The following ATG7 variants were observed in gnomAD, a reference collection of about 807,000 sequenced individuals.
ATG7 encodes ubiquitin-like modifier-activating enzyme ATG7.
A neutral mutation model predicts 82.4 loss-of-function variants in ATG7; 70 were observed. That is an observed-to-expected ratio of 0.85 (90% CI 0.70 to 1.04). The LOEUF is 1.04. Among genes scored for constraint, ATG7 ranks in the 50% least tolerant of loss-of-function variants. The pLI is 0.00. For synonymous variants in ATG7, 287 were observed against 313.0 expected (o/e 0.92, Z 0.88); for missense variants, 792 against 864.3 (o/e 0.92, Z 1.05).
intron 20 of ATG7, among the ~76,000 whole-genome samples, chr3:11,515,199 TCAAG>T (rs2092230765): frequency 6.6e-6 from 1 of 152,086 alleles, no homozygotes; most frequent in Non-Finnish European, 1.5e-5. Context: ...TAGTTTTAAT[TCAAG>T]AAAAGGGACA....
At position 11,340,746 on chromosome 3, in the gene ATG7, G is replaced by A. The variant is rs1204005683; in HGVS notation, c.980+11G>A. On this transcript the variant is annotated intron_variant, in intron 12 of 20. Transcript: ENST00000693202. The stretch of plus-strand genomic sequence containing the variant: ...TATGGACCCTAAAAGGTATATTTGG[G>A]AAGCTGTTTTCTCCAGTCGGGCTTT... The A allele has an allele frequency of 1.2e-6, 2 of 1,611,238 alleles. No homozygotes were observed. The highest frequency in any genetic ancestry group is 2.2e-5 in the East Asian group (1 of 44,808).
rs779244559 is a variant in ATG7 at position 11,332,947 on chromosome 3, A to T, written c.768-25A>T. 5 of 1,425,172 alleles carry T rather than the reference A, an allele frequency of 3.5e-6. No homozygotes were observed. The African/African-American group carries it at 7.5e-5, about 21-fold the overall frequency. 88.3% of individuals were successfully genotyped at this position (1,425,172 alleles called of 1,614,324 possible). A position where few individuals can be genotyped will look rare whatever the true frequency, so the allele number is the denominator to read the frequency against. ...TTCCTTTAAAAAAAAATAATAAATA[A>T]ATAAAAATCCGGGCATGACAACAGG... On this transcript the variant is annotated intron_variant, in intron 10 of 20. Transcript: ENST00000693202.
chr3:11,274,430 G>A (rs1319200999), intron 1 of ATG7, among the ~76,000 whole-genome samples: 1 of 152,140 alleles, frequency 6.6e-6, no homozygotes, highest in Non-Finnish European at 1.5e-5. Context: ...CAGTGAGGAG[G>A]TGCTGCTTTA....
At chr3:11,419,768 G>T (rs2081767081) in intron 19 of ATG7, among the ~76,000 whole-genome samples, 2 of 152,130 alleles carry the variant, frequency 1.3e-5, no homozygotes, top group African/African-American at 4.8e-5. Context: ...GTCTTAGCAA[G>T]GCAATACTCT....
intron 13 of ATG7, 152 bp from the exon 14 acceptor site, chr3:11,347,725 G>C: frequency 1.3e-6 from 1 of 761,262 alleles, no homozygotes; most frequent in South Asian, 3.0e-5. Flanking sequence ...TCTGTTTATC[G>C]TAACCTGAAT....
At chr3:11,443,872 A>T (rs1241049622) in intron 20 of ATG7, among the ~76,000 whole-genome samples, 1 of 152,186 alleles carries the variant, frequency 6.6e-6, no homozygotes, top group Admixed American at 6.5e-5. Context: ...TTTTATATAG[A>T]GAACAAGTAT....
In ATG7 at chr3:11,298,241, T is replaced by C. The variant is rs566305801; in HGVS notation, c.-10-445T>C. Among the ~76,000 whole-genome samples the C allele has an allele frequency of 5.9e-5, 9 of 152,008 alleles. 1 individual carries two copies. The South Asian group carries it at 1.7e-3, about 28-fold the overall frequency. On this transcript the variant is annotated intron_variant, in intron 3 of 20. Transcript: ENST00000693202. ...GCTTGACAACACAGGCCAATTAGGA[T>C]GGTTTTCAAAGTTGTGTCTTAAGTG...
intron 20 of ATG7, among the ~76,000 whole-genome samples, chr3:11,467,368 G>A (rs1430747338): frequency 6.6e-6 from 1 of 152,040 alleles, no homozygotes; most frequent in Non-Finnish European, 1.5e-5. Flanking sequence ...TACCTCAACC[G>A]TAATTTGTTT....
chr3:11,281,605 TC>T (rs1450036715), intron 2 of ATG7, among the ~76,000 whole-genome samples: 3 of 151,970 alleles, frequency 2.0e-5, no homozygotes, highest in Non-Finnish European at 2.9e-5. Flanking sequence ...AAACCCTATC[TC>T]TACTAAAAAT....
intron 20 of ATG7, among the ~76,000 whole-genome samples, chr3:11,466,331 A>G (rs1489280608): frequency 6.6e-6 from 1 of 152,218 alleles, no homozygotes; most frequent in Non-Finnish European, 1.5e-5. Context: ...AAGGTGAGAA[A>G]ATTCTTCAGC....
intron 13 of ATG7, among the ~76,000 whole-genome samples, chr3:11,345,544 C>G (rs557891396): frequency 1.3e-5 from 2 of 152,140 alleles, no homozygotes; most frequent in African/African-American, 4.8e-5. Context: ...AATTAATTGA[C>G]ATAAAATACA....
chr3:11,505,041 A>AT (rs1479801141), intron 20 of ATG7, among the ~76,000 whole-genome samples: 1 of 152,200 alleles, frequency 6.6e-6, no homozygotes. Flanking sequence ...TGAGCACGTT[A>AT]TTTTAACATA....
intron 1 of ATG7, among the ~76,000 whole-genome samples, chr3:11,275,515 ATTTTTTTTTTTTTTT>A (rs34040398): frequency 1.8e-5 from 2 of 109,208 alleles, no homozygotes; most frequent in Non-Finnish European, 3.5e-5. Context: ...TGCCCGGCTA[ATTTTTTTTTTTTTTT>A]TTTTTTTTTA....
chr3:11,414,529 C>A (rs1242737078), intron 19 of ATG7, among the ~76,000 whole-genome samples: 3 of 152,134 alleles, frequency 2.0e-5, no homozygotes, highest in African/African-American at 7.2e-5. Flanking sequence ...AATCAGAATA[C>A]CCTTTATTTC....
chr3:11,274,598 G>A (rs1191206592), intron 1 of ATG7, among the ~76,000 whole-genome samples: 2 of 152,142 alleles, frequency 1.3e-5, no homozygotes, highest in African/African-American at 4.8e-5. Flanking sequence ...GTAAGCACTA[G>A]CCACATCGTG....
At chr3:11,554,274 G>C (rs1373779072) in intron 20 of ATG7, among the ~76,000 whole-genome samples, 1 of 152,242 alleles carries the variant, frequency 6.6e-6, no homozygotes, top group Non-Finnish European at 1.5e-5. Flanking sequence ...CACCCTGGCT[G>C]GTGGGGAGGG....
chr3:11,528,395 G>C (rs2124961523), intron 20 of ATG7, among the ~76,000 whole-genome samples: 1 of 152,198 alleles, frequency 6.6e-6, no homozygotes, highest in Middle Eastern at 3.4e-3. Context: ...CCAATATCCG[G>C]GAAGTCAGAT....
intron 7 of ATG7, among the ~76,000 whole-genome samples, chr3:11,312,183 A>G (rs1165346228): frequency 6.6e-6 from 1 of 152,176 alleles, no homozygotes; most frequent in African/African-American, 2.4e-5. Flanking sequence ...CGTAAATTAT[A>G]TCTCAATAAA....
intron 20 of ATG7, among the ~76,000 whole-genome samples, chr3:11,550,455 G>A (rs2071672399): frequency 2.0e-5 from 3 of 151,876 alleles, no homozygotes; most frequent in Non-Finnish European, 4.4e-5. Flanking sequence ...AGGCTGGAGT[G>A]CAGTGGTGCA....
Sources: allele counts gnomAD v4.1 joint callset (sites outside exome capture counted in the v4.1 genomes callset), GRCh38; gene constraint gnomAD v4.1.1; transcripts MANE v1.5; gene names NCBI Gene and HGNC (gene_info 2026-07-23, HGNC 2026-07-21).